Variants in CEP57 observed in about 807,000 individuals in gnomAD.
CEP57 encodes centrosomal protein of 57 kDa.
In CEP57, 40 loss-of-function variants were observed where a neutral mutation model predicts 68.0. The observed-to-expected ratio is 0.59, with a 90% confidence interval of 0.46 to 0.77. CEP57 has a LOEUF of 0.77. Ranked by LOEUF, CEP57 falls within the 30% of genes least tolerant of loss-of-function variation. CEP57 has a pLI of 0.00. For synonymous variants in CEP57, 219 were observed against 198.7 expected (o/e 1.10, Z -0.86); for missense variants, 606 against 580.7 (o/e 1.04, Z -0.45).
chr11:95,819,026 T>G (rs1862417398), intron 6 of CEP57, 122 bp downstream of exon 6: 1 of 781,576 alleles, frequency 1.3e-6, no homozygotes, highest in Non-Finnish European at 2.2e-6. Flanking sequence ...CATACAAATT[T>G]TCAGATATAG....
At chr11:95,808,114 A>G (rs1453144014) in intron 2 of CEP57, among the ~76,000 whole-genome samples, 2 of 152,206 alleles carry the variant, frequency 1.3e-5, no homozygotes, top group Non-Finnish European at 2.9e-5. Flanking sequence ...ATCCAGCCAA[A>G]CTAAGCTTTG....
intron 1 of CEP57, among the ~76,000 whole-genome samples, chr11:95,796,686 C>A (rs1190512254): frequency 1.3e-5 from 2 of 152,190 alleles, no homozygotes; most frequent in African/African-American, 2.4e-5. Flanking sequence ...TTAATTCTGA[C>A]ACTGCCCAGA....
chr11:95,807,492 A>G (rs1861857092), intron 2 of CEP57, among the ~76,000 whole-genome samples: 1 of 152,204 alleles, frequency 6.6e-6, no homozygotes, highest in Non-Finnish European at 1.5e-5. Context: ...ACGAATGGCT[A>G]ACTAGAATAA....
rs1863025633 is a variant in CEP57 at position 95,832,028 on chromosome 11, C to G, written c.*772C>G. The G allele has an allele frequency of 6.6e-6, 1 of 152,068 alleles. No individual in the cohort carries two copies. The highest frequency in any genetic ancestry group is 2.4e-5 in the African/African-American group (1 of 41,422). The allele number at this position is 152,068 out of a possible 1,614,324, so 9.4% of individuals were successfully genotyped here. ...CAGTTCTTAATACCTGTTTTGTAATCATGATATTCAGTCAAGGCATTATGG... is the reference window on the plus strand; with the variant it reads ...CAGTTCTTAATACCTGTTTTGTAATGATGATATTCAGTCAAGGCATTATGG... On this transcript the variant is annotated 3_prime_UTR_variant, in exon 11 of 11. Coordinates refer to ENST00000325542, the MANE Select transcript of CEP57 (RefSeq NM_014679.5).
intron 4 of CEP57, among the ~76,000 whole-genome samples, chr11:95,817,512 A>G (rs778247813): frequency 3.2e-4 from 49 of 152,150 alleles, no homozygotes; most frequent in Non-Finnish European, 3.2e-4. Context: ...TGAAGCCTAT[A>G]TGTCCAATAA....
chr11:95,799,653 T>A (rs1265425181), intron 2 of CEP57, among the ~76,000 whole-genome samples: 1 of 152,184 alleles, frequency 6.6e-6, no homozygotes, highest in African/African-American at 2.4e-5. Context: ...TGAAGACCTT[T>A]TTTTGCTTCT....
intron 1 of CEP57, chr11:95,794,336 T>C (rs772061042): frequency 8.8e-6 from 4 of 455,964 alleles, no homozygotes; most frequent in South Asian, 4.6e-5. Flanking sequence ...CAAATATAAC[T>C]GAATGAATTA....
intron 10 of CEP57, among the ~76,000 whole-genome samples, chr11:95,829,653 G>T (rs1016911442): frequency 6.6e-6 from 1 of 152,062 alleles, no homozygotes; most frequent in African/African-American, 2.4e-5. Flanking sequence ...GCGAAATTCT[G>T]TTTCCAAAGG....
intron 2 of CEP57, among the ~76,000 whole-genome samples, chr11:95,805,460 G>A (rs544119): frequency 0.28 from 42,338 of 151,974 alleles, 7,068 homozygotes; most frequent in Non-Finnish European, 0.38. Context: ...AGCTGACTTC[G>A]ATAAAATGTA....
chr11:95,795,529 G>C, intron 1 of CEP57: 1 of 529,622 alleles, frequency 1.9e-6, no homozygotes, highest in Non-Finnish European at 3.4e-6. Flanking sequence ...GCAGACTAGG[G>C]AAATGAAGTA....
chr11:95,817,742 T>C, intron 4 of CEP57, 45 bp from the exon 5 acceptor site: 1 of 1,338,462 alleles, frequency 7.5e-7, no homozygotes, highest in Non-Finnish European at 1.1e-6. Flanking sequence ...TTTTTCTCTT[T>C]TTTGATTGTC....
At chr11:95,808,077 A>G (rs565685891) in intron 2 of CEP57, among the ~76,000 whole-genome samples, 1 of 152,332 alleles carries the variant, frequency 6.6e-6, no homozygotes, top group East Asian at 1.9e-4. Flanking sequence ...ATTCTTAAAG[A>G]AAAGAATTTT....
intron 4 of CEP57, among the ~76,000 whole-genome samples, chr11:95,813,941 G>T (rs1862186969): frequency 6.6e-6 from 1 of 152,192 alleles, no homozygotes; most frequent in African/African-American, 2.4e-5. Context: ...AAACTCTTCA[G>T]AATTGTTACT....
At chr11:95,818,479 T>C (rs1391675641) in intron 5 of CEP57, among the ~76,000 whole-genome samples, 1 of 152,196 alleles carries the variant, frequency 6.6e-6, no homozygotes, top group Non-Finnish European at 1.5e-5. Flanking sequence ...TAAGTTGCTC[T>C]CTGAGCTAAT....
chr11:95,809,171 C>T (rs1861941379), intron 2 of CEP57, among the ~76,000 whole-genome samples: 2 of 152,112 alleles, frequency 1.3e-5, no homozygotes, highest in Admixed American at 1.3e-4. Context: ...AAAGACACAA[C>T]ATACCAGATT....
At chr11:95,796,288 A>C in intron 1 of CEP57, among the ~76,000 whole-genome samples, 1 of 152,224 alleles carries the variant, frequency 6.6e-6, no homozygotes, top group East Asian at 1.9e-4. Context: ...AGGAAAAGCT[A>C]GTGATCAGGT....
intron 8 of CEP57, among the ~76,000 whole-genome samples, chr11:95,823,897 T>C (rs1352774949): frequency 6.6e-6 from 1 of 152,108 alleles, no homozygotes; most frequent in Non-Finnish European, 1.5e-5. Flanking sequence ...ATTTGAATAA[T>C]ATCATGGGAC....
chr11:95,824,064 G>A (rs1455127273), intron 8 of CEP57, among the ~76,000 whole-genome samples: 1 of 137,764 alleles, frequency 7.3e-6, no homozygotes, highest in East Asian at 2.1e-4. Flanking sequence ...TCCAGCTGAA[G>A]GCCTATTGTA....
intron 5 of CEP57, among the ~76,000 whole-genome samples, chr11:95,818,502 T>G (rs778875695): frequency 9.9e-5 from 15 of 152,200 alleles, no homozygotes; most frequent in Non-Finnish European, 2.1e-4. Flanking sequence ...TAGTTTTAAT[T>G]ATTTCATTTG....
Sources: allele counts gnomAD v4.1 joint callset (sites outside exome capture counted in the v4.1 genomes callset), GRCh38; gene constraint gnomAD v4.1.1; transcripts MANE v1.5; gene names NCBI Gene and HGNC (gene_info 2026-07-23, HGNC 2026-07-21).